PANK1: variants seen among roughly 807,000 people sequenced by gnomAD.
PANK1 encodes the protein pantothenate kinase 1.
A neutral mutation model predicts 40.1 loss-of-function variants in PANK1; 18 were observed. The observed-to-expected ratio is 0.45, with a 90% CI of 0.31 to 0.67. The LOEUF is 0.67. Ranked by LOEUF, PANK1 falls within the 30% of genes least tolerant of loss-of-function variation. The pLI is 0.06. For missense variants in PANK1, 457 were observed against 599.6 expected (o/e 0.76, Z 2.48); for synonymous variants, 242 against 237.7 (o/e 1.02, Z -0.17).
intron 1 of PANK1, among the ~76,000 whole-genome samples, chr10:89,628,440 TG>T (rs34567791): frequency 1.2e-4 from 1 of 8,578 alleles, no homozygotes; most frequent in East Asian, 1.1e-3. Context: ...AGATCACGTA[TG>T]ATATGATTTC....
At chr10:89,590,378 C>T (rs963025213) in intron 5 of PANK1, among the ~76,000 whole-genome samples, 1 of 151,370 alleles carries the variant, frequency 6.6e-6, no homozygotes, top group South Asian at 2.1e-4. Context: ...AATTTTTAAC[C>T]TATTACATTG....
chr10:89,604,692 CAAA>C (rs34373242), intron 2 of PANK1, among the ~76,000 whole-genome samples: 18 of 79,974 alleles, frequency 2.3e-4, no homozygotes, highest in African/African-American at 7.7e-4. Context: ...AACTCCGTCT[CAAA>C]AAAAAAAAAA....
intron 1 of PANK1, among the ~76,000 whole-genome samples, chr10:89,612,435 C>A (rs953202256): frequency 6.6e-6 from 1 of 152,188 alleles, no homozygotes; most frequent in Admixed American, 6.5e-5. Context: ...CAATTGCTAA[C>A]TATTTTTGTC....
rs2133042810 is a variant in PANK1, at chr10:89,644,632, C to T, written c.260G>A (p.Arg87Lys). 1 of 1,587,432 alleles carries T rather than the reference C, an allele frequency of 6.3e-7. No individual in the cohort carries two copies. The highest frequency in any genetic ancestry group is 8.5e-7 in the Non-Finnish European group (1 of 1,172,280). Residue 87 changes from arginine (R) to lysine (K), a missense_variant, in exon 1 of 7, where the codon AGG (arginine) becomes AAG (lysine). By Grantham distance (26) the Arg-to-Lys change is conservative. Around this residue, in one of 4 missense-constraint regions of PANK1, gnomAD observed 144 missense variants for 131.2 expected, o/e 1.10. Coordinates refer to ENST00000307534, the MANE Select transcript of PANK1 (RefSeq NM_148977.3). Reference protein sequence around the residue: ...DSPAKKCRLRRRMDSGRKNRP... With the variant: ...DSPAKKCRLRKRMDSGRKNRP... ...GTTCTTTCTCCCCGAGTCCATCCTC[C>T]TCCGCAGCCGGCATTTCTTGGCCGG...
intron 1 of PANK1, among the ~76,000 whole-genome samples, chr10:89,639,648 T>C (rs915522604): frequency 1.2e-4 from 19 of 152,168 alleles, no homozygotes; most frequent in African/African-American, 4.3e-4. Flanking sequence ...AACAAAGCTC[T>C]TTACACCACA....
chr10:89,593,500 T>C (rs183584358), intron 4 of PANK1, among the ~76,000 whole-genome samples, 180 bp from the exon 5 acceptor site: 134 of 150,272 alleles, frequency 8.9e-4, no homozygotes, highest in African/African-American at 2.4e-3. Context: ...CTTTTCTTAA[T>C]AGGGACAAAG....
chr10:89,633,921 A>C (rs1314346391), intron 1 of PANK1, among the ~76,000 whole-genome samples: 1 of 152,170 alleles, frequency 6.6e-6, no homozygotes, highest in Non-Finnish European at 1.5e-5. Flanking sequence ...TACAACCTGC[A>C]CTGGGTCACA....
At chr10:89,629,725 C>T (rs2133013860) in intron 1 of PANK1, among the ~76,000 whole-genome samples, 1 of 152,268 alleles carries the variant, frequency 6.6e-6, no homozygotes, top group South Asian at 2.1e-4. Context: ...CGAACTTCAC[C>T]CATTTATTTC....
chr10:89,590,791 C>T (rs1488180148), intron 5 of PANK1, among the ~76,000 whole-genome samples: 3 of 151,904 alleles, frequency 2.0e-5, no homozygotes, highest in East Asian at 1.9e-4. Context: ...TGCGTTATTA[C>T]GTCAAAAAGC....
At chr10:89,580,054 G>T (rs2133906739), downstream of PANK1, 2 of 152,340 alleles carry the variant, frequency 1.3e-5, no homozygotes, top group South Asian at 4.1e-4. Flanking sequence ...AACAATTCTT[G>T]TGAGTGATAG....
chr10:89,608,030 CTTTT>C (rs33976210), intron 2 of PANK1, among the ~76,000 whole-genome samples: 11 of 111,012 alleles, frequency 9.9e-5, no homozygotes, highest in East Asian at 6.7e-4. Context: ...TGATCCTAAA[CTTTT>C]TTTTTTTTTT....
intron 4 of PANK1, among the ~76,000 whole-genome samples, 153 bp from the exon 5 acceptor site, chr10:89,593,473 A>C (rs1158742098): frequency 6.6e-6 from 1 of 152,156 alleles, no homozygotes; most frequent in Non-Finnish European, 1.5e-5. Flanking sequence ...GAATTATAGT[A>C]TGCATGGCTG....
chr10:89,613,989 C>G (rs184993132), intron 1 of PANK1: 1 of 456,474 alleles, frequency 2.2e-6, no homozygotes, highest in Non-Finnish European at 4.4e-6. Flanking sequence ...AAAATTATCT[C>G]GAATTTCTTC....
At chr10:89,624,764 C>T (rs946517991) in intron 1 of PANK1, among the ~76,000 whole-genome samples, 1 of 152,150 alleles carries the variant, frequency 6.6e-6, no homozygotes, top group African/African-American at 2.4e-5. Flanking sequence ...AGGACATCAC[C>T]TAGAGATTCT....
chr10:89,625,976 A>G (rs1304347023), intron 1 of PANK1: 2 of 152,024 alleles, frequency 1.3e-5, no homozygotes, highest in African/African-American at 2.4e-5. Context: ...AGGTCCTGAA[A>G]CCTCTCCATG....
chr10:89,615,228 AC>A (rs1195360253), intron 1 of PANK1, among the ~76,000 whole-genome samples: 15 of 152,210 alleles, frequency 9.9e-5, no homozygotes, highest in Non-Finnish European at 1.9e-4. Context: ...AGCTACGTAA[AC>A]CCCAGAAAAC....
intron 1 of PANK1, among the ~76,000 whole-genome samples, chr10:89,620,321 T>C (rs1055053801): frequency 6.6e-6 from 1 of 152,150 alleles, no homozygotes; most frequent in African/African-American, 2.4e-5. Context: ...AGAAAGCAAA[T>C]AGGAGAAATA....
chr10:89,593,630 C>T (rs536878800), intron 4 of PANK1, among the ~76,000 whole-genome samples, 183 bp downstream of exon 4: 1 of 152,230 alleles, frequency 6.6e-6, no homozygotes, highest in East Asian at 1.9e-4. Context: ...ATTTTAAGAA[C>T]AAGCATCAAG....
chr10:89,628,529 G>C (rs1350785085), intron 1 of PANK1, among the ~76,000 whole-genome samples: 1 of 152,168 alleles, frequency 6.6e-6, no homozygotes, highest in East Asian at 1.9e-4. Context: ...GGGATTGTGG[G>C]GGAAAAAGAG....
Sources: allele counts gnomAD v4.1 joint callset (sites outside exome capture counted in the v4.1 genomes callset), GRCh38; gene constraint gnomAD v4.1.1; regional missense constraint gnomAD v4.1.1; transcripts MANE v1.5; gene names NCBI Gene and HGNC (gene_info 2026-07-23, HGNC 2026-07-21).